Variants in RUNDC3B observed in about 807,000 individuals in gnomAD.
The protein encoded by RUNDC3B is RUN domain containing 3B, also known as RUN domain-containing protein 3B.
In RUNDC3B, 33 loss-of-function variants were observed where a neutral mutation model predicts 58.4. The observed-to-expected ratio is 0.56, with a 90% CI of 0.43 to 0.75. The LOEUF (loss-of-function observed/expected upper bound fraction) is 0.75, where lower values mean the gene tolerates loss of function less well. Among genes scored for constraint, RUNDC3B ranks in the 30% least tolerant of loss-of-function variants. RUNDC3B has a pLI of 0.00. For missense variants in RUNDC3B, 501 were observed against 535.7 expected (o/e 0.94, Z 0.64); for synonymous variants, 193 against 195.2 (o/e 0.99, Z 0.10).
intron 8 of RUNDC3B, among the ~76,000 whole-genome samples, chr7:87,792,483 C>T (rs557143146): frequency 1.3e-5 from 2 of 152,118 alleles, no homozygotes; most frequent in Admixed American, 1.3e-4. Context: ...AGTCTTAAAA[C>T]ATTCAAAAAA....
At chr7:87,658,810 A>G (rs1182455016) in intron 2 of RUNDC3B, among the ~76,000 whole-genome samples, 1 of 152,212 alleles carries the variant, frequency 6.6e-6, no homozygotes, top group African/African-American at 2.4e-5. Context: ...CACAGGAAAG[A>G]CAACTAAGGA....
intron 4 of RUNDC3B, among the ~76,000 whole-genome samples, chr7:87,724,302 G>T (rs571013321): frequency 8.2e-4 from 125 of 152,242 alleles, no homozygotes; most frequent in African/African-American, 3.0e-3. Flanking sequence ...CAGGTTATAA[G>T]ACCAGGATAA....
At chr7:87,669,219 A>G (rs1461387624) in intron 2 of RUNDC3B, among the ~76,000 whole-genome samples, 1 of 152,082 alleles carries the variant, frequency 6.6e-6, no homozygotes, top group Non-Finnish European at 1.5e-5. Flanking sequence ...TGAATCCTTT[A>G]CCATTAAGTA....
intron 10 of RUNDC3B, among the ~76,000 whole-genome samples, chr7:87,829,605 T>C (rs1033484473): frequency 6.6e-6 from 1 of 152,036 alleles, no homozygotes; most frequent in African/African-American, 2.4e-5. Context: ...AGTTAGTTGA[T>C]GTGATGCTTC....
In RUNDC3B at chr7:87,628,661, G is replaced by A; in HGVS notation, c.-163G>A. The A allele has an allele frequency of 2.5e-6, 1 of 406,146 alleles. No homozygotes were observed. Among genetic ancestry groups the A allele is most frequent in the Non-Finnish European group, 4.2e-6 (1 of 236,944 alleles). 25.2% of individuals were successfully genotyped at this position (406,146 alleles called of 1,614,324 possible). A position where few individuals can be genotyped will look rare whatever the true frequency, so the allele number is the denominator to read the frequency against. On this transcript the variant is annotated 5_prime_UTR_variant, in exon 1 of 11. Coordinates refer to ENST00000394654, the MANE Select transcript of RUNDC3B (RefSeq NM_001134405.2). ...GCCAAGGGCGAGCCGTCAGTCCCCG[G>A]GTGCGAGTCCCTGCTGTCTTCCACA...
At chr7:87,828,405 A>G (rs1051050156) in intron 10 of RUNDC3B, among the ~76,000 whole-genome samples, 1 of 151,996 alleles carries the variant, frequency 6.6e-6, no homozygotes, top group African/African-American at 2.4e-5. Flanking sequence ...CCCACTGTCT[A>G]CCACTGCCAT....
intron 6 of RUNDC3B, among the ~76,000 whole-genome samples, chr7:87,767,500 C>G (rs773021419): frequency 6.6e-6 from 1 of 152,128 alleles, no homozygotes; most frequent in Non-Finnish European, 1.5e-5. Context: ...TGCTACTTGT[C>G]GTAGCAATGT....
intron 2 of RUNDC3B, among the ~76,000 whole-genome samples, chr7:87,687,805 G>A (rs1192509153): frequency 6.6e-6 from 1 of 152,080 alleles, no homozygotes; most frequent in Admixed American, 6.5e-5. Context: ...GAACCTCAAA[G>A]CTCTTCCTGA....
intron 2 of RUNDC3B, among the ~76,000 whole-genome samples, chr7:87,692,693 CAG>C (rs1185376948): frequency 1.3e-5 from 2 of 152,000 alleles, no homozygotes; most frequent in African/African-American, 2.4e-5. Flanking sequence ...TGTTTTAGGA[CAG>C]AGATAGTAAA....
chr7:87,667,267 T>C (rs757691161), intron 2 of RUNDC3B, among the ~76,000 whole-genome samples: 2 of 152,160 alleles, frequency 1.3e-5, no homozygotes, highest in African/African-American at 2.4e-5. Flanking sequence ...GGGATTGCCA[T>C]TCTGATTTGG....
intron 6 of RUNDC3B, among the ~76,000 whole-genome samples, chr7:87,758,862 C>A (rs1164160260): frequency 6.6e-6 from 1 of 152,018 alleles, no homozygotes; most frequent in African/African-American, 2.4e-5. Context: ...AAAGGGGAAC[C>A]CTTTTACACT....
At chr7:87,749,202 TCA>T (rs1832819865) in intron 6 of RUNDC3B, among the ~76,000 whole-genome samples, 1 of 152,192 alleles carries the variant, frequency 6.6e-6, no homozygotes, top group Non-Finnish European at 1.5e-5. Flanking sequence ...AGATATGTAT[TCA>T]CACACACTAA....
At chr7:87,735,102 AT>A (rs916592039) in intron 4 of RUNDC3B, among the ~76,000 whole-genome samples, 13 of 152,048 alleles carry the variant, frequency 8.5e-5, no homozygotes, top group Admixed American at 2.0e-4. Flanking sequence ...AGATATACTA[AT>A]TTTTTTTCCC....
chr7:87,698,847 A>G (rs902840343), intron 2 of RUNDC3B, among the ~76,000 whole-genome samples: 12 of 152,252 alleles, frequency 7.9e-5, no homozygotes, highest in African/African-American at 2.9e-4. Flanking sequence ...TGTTGGGATC[A>G]TACATGGGTT....
intron 7 of RUNDC3B, among the ~76,000 whole-genome samples, chr7:87,772,769 A>G (rs1316986990): frequency 6.6e-6 from 1 of 152,192 alleles, no homozygotes; most frequent in Non-Finnish European, 1.5e-5. Context: ...AGAAGAGTCA[A>G]CACCACCATA....
chr7:87,776,071 A>C (rs1401454121), intron 7 of RUNDC3B, among the ~76,000 whole-genome samples: 1 of 152,220 alleles, frequency 6.6e-6, no homozygotes, highest in African/African-American at 2.4e-5. Context: ...GATCATGTGA[A>C]TATAATATCA....
chr7:87,773,668 T>C (rs571328197), intron 7 of RUNDC3B, among the ~76,000 whole-genome samples: 1 of 147,950 alleles, frequency 6.8e-6, no homozygotes, highest in Non-Finnish European at 1.5e-5. Flanking sequence ...CTTGTTTTGT[T>C]TTGTTTTGTT....
intron 8 of RUNDC3B, among the ~76,000 whole-genome samples, chr7:87,781,122 C>T (rs551352162): frequency 1.1e-4 from 17 of 152,110 alleles, no homozygotes; most frequent in South Asian, 8.3e-4. Context: ...TTCATGAGCA[C>T]GGAATATTTT....
chr7:87,831,191 TAGTA>T lies in RUNDC3B; in HGVS notation c.*1167_*1170del, dbSNP rs777815436. 8 of 151,728 alleles carry T rather than the reference TAGTA, an allele frequency of 5.3e-5. No homozygotes were observed. The highest frequency in any genetic ancestry group is 1.0e-4 in the Non-Finnish European group (7 of 67,800). 9.4% of individuals were successfully genotyped at this position (151,728 alleles called of 1,614,324 possible). A position where few individuals can be genotyped will look rare whatever the true frequency, so the allele number is the denominator to read the frequency against. ...GAAAATGTATGGCGTGTATTTTCTA[TAGTA>T]AGTAATATGAGGAAAACATGATTAG... On this transcript the variant is annotated 3_prime_UTR_variant, in exon 11 of 11. Coordinates refer to ENST00000394654, the MANE Select transcript of RUNDC3B (RefSeq NM_001134405.2).
Sources: gnomAD v4.1 joint callset for allele counts (sites outside exome capture counted in the v4.1 genomes callset) on GRCh38, gnomAD v4.1.1 for gene constraint, MANE v1.5 for transcripts, NCBI Gene and HGNC (gene_info 2026-07-23, HGNC 2026-07-21) for gene names.